The following WDR59 variants were observed in gnomAD, a reference collection of about 807,000 sequenced individuals.
The protein encoded by WDR59 is WD repeat domain 59, also known as GATOR2 complex protein WDR59.
Under a neutral mutation model 131.2 loss-of-function variants are expected in WDR59, and 100 were observed. The ratio of observed to expected loss-of-function variants is 0.76; its 90% confidence interval spans 0.65 to 0.90. The LOEUF (loss-of-function observed/expected upper bound fraction) is 0.90. Ranked by LOEUF, WDR59 falls within the 40% of genes least tolerant of loss-of-function variation. WDR59 has a pLI of 0.00. For missense variants in WDR59, 1,203 were observed against 1,262.2 expected (o/e 0.95, Z 0.71); for synonymous variants, 601 against 466.2 (o/e 1.29, Z -3.72).
chr16:74,906,156 T>C (rs1159941337), intron 17 of WDR59, among the ~76,000 whole-genome samples: 3 of 149,854 alleles, frequency 2.0e-5, no homozygotes, highest in East Asian at 4.0e-4. Flanking sequence ...CTACTAAAAA[T>C]ACAAAAAATT....
In WDR59 at chr16:74,886,934, A is replaced by T. The variant is rs530628478; in HGVS notation, c.2420-538T>A. On this transcript the variant is annotated intron_variant, in intron 23 of 25. Transcript: ENST00000262144. ...AAGAGTCCATCTCAAAAAACTAAAAAAAATAAATAAATAAAGCAAATGATG... is the reference window on the plus strand; with the variant it reads ...AAGAGTCCATCTCAAAAAACTAAAATAAATAAATAAATAAAGCAAATGATG... Among the ~76,000 whole-genome samples the T allele has an allele frequency of 5.0e-4, 76 of 152,288 alleles. 1 individual carries two copies. The highest frequency in any genetic ancestry group is 1.4e-3 in the African/African-American group (57 of 41,554).
At chr16:74,973,968 G>A (rs986721745) in intron 1 of WDR59, among the ~76,000 whole-genome samples, 1 of 151,552 alleles carries the variant, frequency 6.6e-6, no homozygotes, top group Non-Finnish European at 1.5e-5. Context: ...TCAAGAGTTC[G>A]AGACCAGCCT....
rs149355834 is a variant in WDR59, at chr16:74,894,114, T to C, written c.1867-302A>G. Reference sequence around the variant, plus strand: ...ATTTGAAAACAGCAAGTAAATAAGTTAGTAAAGGCCACAAAAATGTGGGAG... The same window carrying C: ...ATTTGAAAACAGCAAGTAAATAAGTCAGTAAAGGCCACAAAAATGTGGGAG... On this transcript the variant is annotated intron_variant, in intron 18 of 25. Transcript: ENST00000262144. 2.6e-3 allele frequency among the ~76,000 whole-genome samples: 399 copies of C among 152,194 alleles called. 1 individual carries two copies. The highest frequency in any genetic ancestry group is 9.0e-3 in the African/African-American group (375 of 41,524).
intron 6 of WDR59, among the ~76,000 whole-genome samples, chr16:74,944,465 A>G (rs939628348): frequency 7.0e-6 from 1 of 143,592 alleles, no homozygotes; most frequent in Non-Finnish European, 1.5e-5. Flanking sequence ...GACTGTCTCA[A>G]AAAAAAAAAA....
At position 74,948,552 on chromosome 16, in the gene WDR59, T is replaced by A; in HGVS notation, c.412A>T (p.Thr138Ser). ...TYIYIWDIKD[T>S]RKPTVALSAV... Reference sequence around the variant, plus strand: ...GACAGTGCAACAGTAGGTTTCCTTGTGTCTCTGAAATATAAAAATAAAAAA... The same window carrying A: ...GACAGTGCAACAGTAGGTTTCCTTGAGTCTCTGAAATATAAAAATAAAAAA... The change falls in exon 6 of 26, where the codon ACA becomes TCA. Residue 138 changes from threonine to serine, a missense_variant. Coordinates refer to ENST00000262144, the MANE Select transcript of WDR59 (RefSeq NM_030581.4). 6.2e-7 allele frequency: 1 copy of A among 1,613,386 alleles called. No homozygotes were observed. Among genetic ancestry groups the A allele is most frequent in the Non-Finnish European group, 8.5e-7 (1 of 1,179,312 alleles).
intron 9 of WDR59, 129 bp from the exon 10 acceptor site, chr16:74,922,232 G>A: frequency 8.1e-7 from 1 of 1,234,696 alleles, no homozygotes; most frequent in Non-Finnish European, 1.1e-6. Flanking sequence ...AACTCATCTG[G>A]AGAAATTTTT....
chr16:74,909,968 G>GTTT, intron 14 of WDR59, 51 bp from the exon 15 acceptor site: 2 of 1,015,726 alleles, frequency 2.0e-6, no homozygotes, highest in South Asian at 1.7e-5. Flanking sequence ...TTCTCTGATA[G>GTTT]GTTTTTTTTT....
At chr16:74,887,922 A>C (rs1964846883) in intron 22 of WDR59, among the ~76,000 whole-genome samples, 167 bp from the exon 23 acceptor site, 2 of 152,302 alleles carry the variant, frequency 1.3e-5, no homozygotes, top group African/African-American at 4.8e-5. Context: ...GTTCGAGACC[A>C]GCCTGGCCAA....
At chr16:74,884,192 G>A (rs953562296) in intron 25 of WDR59, among the ~76,000 whole-genome samples, 2 of 152,124 alleles carry the variant, frequency 1.3e-5, no homozygotes, top group South Asian at 2.1e-4. Context: ...GCCTCTGACC[G>A]CTACAACGTC....
intron 23 of WDR59, among the ~76,000 whole-genome samples, chr16:74,886,903 C>A (rs1380340439): frequency 6.6e-6 from 1 of 151,972 alleles, no homozygotes; most frequent in Admixed American, 6.6e-5. Context: ...AGCCTGGCGA[C>A]AGAGCAAGAG....
chr16:74,951,336 C>T (rs2032987809), intron 4 of WDR59, 122 bp downstream of exon 4: 1 of 944,812 alleles, frequency 1.1e-6, no homozygotes, highest in Non-Finnish European at 1.7e-6. Flanking sequence ...AACCCGCTGA[C>T]CACCCGGGAC....
At chr16:74,914,503 C>T (rs1399926952) in intron 13 of WDR59, among the ~76,000 whole-genome samples, 3 of 152,182 alleles carry the variant, frequency 2.0e-5, no homozygotes, top group African/African-American at 7.2e-5. Context: ...TTGTTTCTTC[C>T]ACCAAATAGC....
intron 18 of WDR59, among the ~76,000 whole-genome samples, chr16:74,899,167 C>T (rs1965429801): frequency 6.6e-6 from 1 of 152,012 alleles, no homozygotes; most frequent in Admixed American, 6.6e-5. Context: ...ACTGTCTACA[C>T]AAAATATTGA....
At chr16:74,973,122 T>A (rs990777371) in intron 1 of WDR59, among the ~76,000 whole-genome samples, 6 of 151,960 alleles carry the variant, frequency 3.9e-5, no homozygotes, top group Non-Finnish European at 7.4e-5. Flanking sequence ...ATGCTTGTAA[T>A]CCCAGCTACT....
chr16:74,955,016 T>A (rs569848392), intron 3 of WDR59, among the ~76,000 whole-genome samples: 13 of 152,164 alleles, frequency 8.5e-5, no homozygotes, highest in African/African-American at 2.4e-4. Context: ...CCGGGAGGGA[T>A]AGAAATGTTT....
chr16:74,889,332 A>G (rs1253806844), intron 21 of WDR59, among the ~76,000 whole-genome samples: 1 of 152,132 alleles, frequency 6.6e-6, no homozygotes, highest in Non-Finnish European at 1.5e-5. Flanking sequence ...CATGAACACC[A>G]ACATGCAATT....
chr16:74,982,213 A>G (rs1238180872), intron 1 of WDR59, among the ~76,000 whole-genome samples: 1 of 151,872 alleles, frequency 6.6e-6, no homozygotes, highest in Non-Finnish European at 1.5e-5. Flanking sequence ...TCATAAAGGC[A>G]TTATGAAGAG....
chr16:74,892,689 C>T (rs1247798906), intron 19 of WDR59, 124 bp from the exon 20 acceptor site: 18 of 819,942 alleles, frequency 2.2e-5, no homozygotes, highest in Admixed American at 7.6e-5. Context: ...TTTTATTCCG[C>T]GTTGGCCTTG....
At chr16:74,965,043 G>A (rs1427386781) in intron 2 of WDR59, among the ~76,000 whole-genome samples, 7 of 151,110 alleles carry the variant, frequency 4.6e-5, no homozygotes, top group Admixed American at 1.3e-4. Context: ...CAGCCTGGGC[G>A]ACAAGAGCAA....
Sources: allele counts gnomAD v4.1 joint callset (sites outside exome capture counted in the v4.1 genomes callset), GRCh38; gene constraint gnomAD v4.1.1; transcripts MANE v1.5; gene names NCBI Gene and HGNC (gene_info 2026-07-23, HGNC 2026-07-21).